The following FBXO25 variants were observed in gnomAD, a reference collection of about 807,000 sequenced individuals.
FBXO25 encodes F-box protein 25.
FBXO25 carries 45 observed loss-of-function variants against 51.9 expected under a neutral mutation model. The observed-to-expected ratio is 0.87, with a 90% CI of 0.68 to 1.11. The LOEUF is 1.11. Among genes scored for constraint, FBXO25 ranks in the 50% most tolerant of loss-of-function variants. The pLI, the probability that FBXO25 is intolerant of heterozygous loss-of-function variation, is 0.00. For missense variants in FBXO25, 507 were observed against 428.5 expected, an observed-to-expected ratio of 1.18 and a Z score of -1.62; for synonymous variants, 199 against 151.0, an observed-to-expected ratio of 1.32 and a Z score of -2.33.
chr8:440,049 G>T (rs1183564824), intron 5 of FBXO25, among the ~76,000 whole-genome samples: 1 of 152,200 alleles, frequency 6.6e-6, no homozygotes, highest in East Asian at 1.9e-4. Context: ...GCAGCGCATG[G>T]GAAAGATGCT....
intron 5 of FBXO25, among the ~76,000 whole-genome samples, chr8:442,148 T>C (rs1464786036): frequency 6.6e-6 from 1 of 152,174 alleles, no homozygotes; most frequent in Non-Finnish European, 1.5e-5. Flanking sequence ...TTTACTGTTG[T>C]ATAATAATTT....
rs1413091418 is a variant in FBXO25 at position 408,022 on chromosome 8, C to T, written c.-8+956C>T. ...CGGCCCTAATCAGAAAAGACGTTTA[C>T]TCTTTCATATTCTGTTTTCTCCTCG... On this transcript the variant is annotated intron_variant, in intron 1 of 9. Transcript: ENST00000350302. 5.3e-5 allele frequency among the ~76,000 whole-genome samples: 8 copies of T among 152,310 alleles called. No individual in the cohort carries two copies. In the East Asian group the frequency reaches 1.5e-3, roughly 29 times the overall value.
intron 5 of FBXO25, among the ~76,000 whole-genome samples, chr8:438,499 C>T (rs768630239): frequency 1.3e-5 from 2 of 152,148 alleles, no homozygotes; most frequent in Non-Finnish European, 2.9e-5. Flanking sequence ...CAGATTCTTC[C>T]AGTTGCCAAA....
intron 8 of FBXO25, among the ~76,000 whole-genome samples, chr8:461,667 A>G (rs1799821207): frequency 6.6e-6 from 1 of 152,156 alleles, no homozygotes; most frequent in African/African-American, 2.4e-5. Flanking sequence ...CATGCCCTTC[A>G]GCTGCCATTC....
chr8:450,068 A>G lies in FBXO25; in HGVS notation c.460A>G (p.Lys154Glu), dbSNP rs1427665404. The G allele has an allele frequency of 1.2e-6, 2 of 1,610,854 alleles. No homozygotes were observed. Among genetic ancestry groups the G allele is most frequent in the Non-Finnish European group, 1.7e-6 (2 of 1,178,054 alleles). ...GAAGAATTACTTCAACATTTTGGAT[A>G]AAATCGTTCAAAAGGGTAAGATGAT... ...AQKNYFNILD[K>E]IVQKVLDDHH... The change falls in exon 6 of 10, where the codon AAA (lysine) becomes GAA (glutamate). Residue 154 changes from lysine to glutamate, a missense_variant. Coordinates refer to ENST00000350302, the MANE Select transcript of FBXO25 (RefSeq NM_183420.2).
chr8:412,267 T>A (rs13265113), intron 1 of FBXO25, among the ~76,000 whole-genome samples: 57,168 of 151,890 alleles, frequency 0.38, 12,201 homozygotes, highest in African/African-American at 0.6. Context: ...TTATCCCAGA[T>A]CCAGGGGCTA....
intron 5 of FBXO25, among the ~76,000 whole-genome samples, chr8:443,997 C>T (rs148288049): frequency 1.3e-5 from 2 of 152,194 alleles, no homozygotes; most frequent in Non-Finnish European, 2.9e-5. Flanking sequence ...CTCCTCAGTG[C>T]TGTGGCCTTG....
At chr8:417,237 C>T (rs1317472654) in intron 2 of FBXO25, among the ~76,000 whole-genome samples, 1 of 152,150 alleles carries the variant, frequency 6.6e-6, no homozygotes, top group Non-Finnish European at 1.5e-5. Flanking sequence ...TGTGGGGAGT[C>T]AGGGGTTTGA....
chr8:421,291 G>T (rs1366329283), intron 2 of FBXO25, among the ~76,000 whole-genome samples: 2 of 152,220 alleles, frequency 1.3e-5, no homozygotes, highest in Admixed American at 1.3e-4. Context: ...GCCCCAGTCT[G>T]TGGAAAAAGT....
chr8:465,675 A>G (rs1800110794), intron 9 of FBXO25, among the ~76,000 whole-genome samples: 1 of 152,240 alleles, frequency 6.6e-6, no homozygotes, highest in Admixed American at 6.5e-5. Context: ...ATAATTTCAT[A>G]CAATGGTTTA....
rs1800626878 is a variant in FBXO25, at chr8:475,882, T to C, written c.*7078T>C. ...TCCTTTCCAGTCTGGATGCCTTTTA[T>C]TTCTTTTTCTTGCCTAACTGCTCTA... is the stretch of plus-strand genomic sequence containing the variant. On this transcript the variant is annotated 3_prime_UTR_variant, in exon 10 of 10. Coordinates refer to ENST00000350302, the MANE Select transcript of FBXO25 (RefSeq NM_183420.2). The C allele has an allele frequency of 6.6e-6, 1 of 152,192 alleles. No homozygotes were observed. The highest frequency in any genetic ancestry group is 2.4e-5 in the African/African-American group (1 of 41,462). The allele number at this position is 152,192 out of a possible 1,614,324, so 9.4% of individuals were successfully genotyped here.
intron 2 of FBXO25, among the ~76,000 whole-genome samples, chr8:422,157 C>G (rs550984175): frequency 2.5e-4 from 38 of 152,268 alleles, no homozygotes; most frequent in African/African-American, 4.1e-4. Context: ...AAGTCTCCCC[C>G]CAAATAGCTA....
rs1027691572 is a variant in FBXO25, at chr8:474,229, T to G, written c.*5425T>G. ...GGGATTTGTCCTTTTGTGACTGGCT[T>G]ATTTCACTTAGCGTAATGTCCTCAA... On this transcript the variant is annotated 3_prime_UTR_variant, in exon 10 of 10. Coordinates refer to ENST00000350302, the MANE Select transcript of FBXO25 (RefSeq NM_183420.2). 1.2e-5 allele frequency: 2 copies of G among 169,980 alleles called. No homozygotes were observed. The highest frequency in any genetic ancestry group is 4.8e-5 in the African/African-American group (2 of 41,674). 10.5% of individuals were successfully genotyped at this position (169,980 alleles called of 1,614,324 possible).
chr8:461,118 A>G (rs1799781048), intron 8 of FBXO25, among the ~76,000 whole-genome samples: 4 of 152,210 alleles, frequency 2.6e-5, no homozygotes, highest in Admixed American at 2.6e-4. Flanking sequence ...TCAAACATAC[A>G]CATTAATTTC....
At chr8:408,510 C>T (rs1420794783) in intron 1 of FBXO25, among the ~76,000 whole-genome samples, 1 of 152,160 alleles carries the variant, frequency 6.6e-6, no homozygotes, top group East Asian at 1.9e-4. Flanking sequence ...CATAATGAAA[C>T]TTGTAAAACA....
chr8:448,853 T>C (rs982852761), intron 5 of FBXO25, among the ~76,000 whole-genome samples: 1 of 152,216 alleles, frequency 6.6e-6, no homozygotes, highest in Non-Finnish European at 1.5e-5. Flanking sequence ...ACTAACAGGC[T>C]AAGATGTGTT....
chr8:417,925 G>A (rs1428294714), intron 2 of FBXO25, among the ~76,000 whole-genome samples: 2 of 152,076 alleles, frequency 1.3e-5, no homozygotes, highest in African/African-American at 2.4e-5. Context: ...TGAAATCTAA[G>A]GTCCTAATAG....
intron 5 of FBXO25, among the ~76,000 whole-genome samples, chr8:442,137 A>C (rs979565403): frequency 2.6e-5 from 4 of 152,124 alleles, no homozygotes; most frequent in Non-Finnish European, 4.4e-5. Context: ...TCCAATGCTA[A>C]TTTACTGTTG....
At chr8:467,798 C>T (rs921719407) in intron 9 of FBXO25, 5 of 1,608,394 alleles carry the variant, frequency 3.1e-6, no homozygotes, top group African/African-American at 2.7e-5. Flanking sequence ...AACGTTGCAT[C>T]GTGCTGCATC....
Sources: gnomAD v4.1 joint callset for allele counts (sites outside exome capture counted in the v4.1 genomes callset) on GRCh38, gnomAD v4.1.1 for gene constraint, MANE v1.5 for transcripts, NCBI Gene and HGNC (gene_info 2026-07-23, HGNC 2026-07-21) for gene names.